The following MAGI1 variants were observed in gnomAD, a reference collection of about 807,000 sequenced individuals.
MAGI1 encodes the protein membrane-associated guanylate kinase, WW and PDZ domain-containing protein 1.
In MAGI1, 58 loss-of-function variants were observed where a neutral mutation model predicts 139.9. The observed-to-expected ratio is 0.41, with a 90% CI of 0.34 to 0.52. The LOEUF (loss-of-function observed/expected upper bound fraction) is 0.52, where lower values mean the gene tolerates loss of function less well. MAGI1 is among the 20% of genes least tolerant of loss of function. The pLI is 0.12. For missense variants in MAGI1, 1,874 were observed against 1,901.6 expected, an observed-to-expected ratio of 0.99 and a Z score of 0.27; for synonymous variants, 812 against 737.9, an observed-to-expected ratio of 1.10 and a Z score of -1.63.
At chr3:65,451,839 G>GTAGTGAGTCAA (rs1451591267) in intron 6 of MAGI1, among the ~76,000 whole-genome samples, 1 of 152,046 alleles carries the variant, frequency 6.6e-6, no homozygotes, top group African/African-American at 2.4e-5. Context: ...GTAGAGTCAA[G>GTAGTGAGTCAA]GTCTCACTAC....
intron 1 of MAGI1, among the ~76,000 whole-genome samples, chr3:66,001,458 GAA>G (rs1456067133): frequency 6.6e-6 from 1 of 152,134 alleles, no homozygotes; most frequent in Non-Finnish European, 1.5e-5. Flanking sequence ...ATGCTAGAAA[GAA>G]AAGAGTATCA....
intron 12 of MAGI1, among the ~76,000 whole-genome samples, chr3:65,405,077 C>T (rs1394002689): frequency 6.6e-6 from 1 of 152,168 alleles, no homozygotes; most frequent in African/African-American, 2.4e-5. Context: ...AGCATCCGCT[C>T]TTAGGGCCTT....
chr3:65,793,972 C>T (rs1178397613), intron 1 of MAGI1, among the ~76,000 whole-genome samples: 2 of 152,192 alleles, frequency 1.3e-5, no homozygotes, highest in African/African-American at 4.8e-5. Flanking sequence ...CACTGTAAAC[C>T]TGCTGTCTTT....
chr3:65,792,391 G>C (rs573099687), intron 1 of MAGI1, among the ~76,000 whole-genome samples: 2 of 152,226 alleles, frequency 1.3e-5, no homozygotes, highest in Non-Finnish European at 2.9e-5. Flanking sequence ...CTTGAACCAA[G>C]GAGGAGGAGG....
intron 1 of MAGI1, among the ~76,000 whole-genome samples, chr3:65,963,293 C>A (rs1283987302): frequency 4.3e-5 from 5 of 117,010 alleles, no homozygotes; most frequent in Admixed American, 3.5e-4. Flanking sequence ...GCCTGGTCAA[C>A]AGAGCGAGAC....
intron 1 of MAGI1, among the ~76,000 whole-genome samples, chr3:65,972,410 G>C (rs2065055462): frequency 1.3e-5 from 2 of 152,172 alleles, no homozygotes. Flanking sequence ...CTATGTCTAA[G>C]ACATATGCCT....
intron 1 of MAGI1, among the ~76,000 whole-genome samples, chr3:65,943,468 G>A (rs371287263): frequency 8.5e-5 from 13 of 152,106 alleles, no homozygotes; most frequent in East Asian, 3.9e-4. Context: ...CCGGCTAGTC[G>A]GGAGGCTGAG....
chr3:65,806,462 G>A (rs1447135301), intron 1 of MAGI1, among the ~76,000 whole-genome samples: 1 of 152,090 alleles, frequency 6.6e-6, no homozygotes, highest in Non-Finnish European at 1.5e-5. Context: ...TTTGAACTGT[G>A]TTTTAATAGG....
At chr3:65,635,084 A>AAT (rs145329425) in intron 1 of MAGI1, among the ~76,000 whole-genome samples, 17,624 of 151,398 alleles carry the variant, frequency 0.12, 1,976 homozygotes, top group African/African-American at 0.3. Context: ...AGTAAAATAA[A>AAT]ATATATATAT....
chr3:65,509,744 C>G lies in MAGI1; in HGVS notation c.431-16113G>C, dbSNP rs1398658109. Reference sequence around the variant, plus strand: ...GCTGGGGGAGGGGCGCCCGCCATTGCCCAGGCTTGCTTAGGTAAACAAAGC... The same window carrying G: ...GCTGGGGGAGGGGCGCCCGCCATTGGCCAGGCTTGCTTAGGTAAACAAAGC... On this transcript the variant is annotated intron_variant, in intron 2 of 22. Coordinates refer to ENST00000402939, the MANE Select transcript of MAGI1 (RefSeq NM_001033057.2). Among the ~76,000 whole-genome samples, 7 of 152,192 alleles carry G rather than the reference C, an allele frequency of 4.6e-5. No homozygotes were observed. The East Asian group carries it at 9.7e-4, about 21-fold the overall frequency.
chr3:66,033,541 G>T (rs2068755717), intron 1 of MAGI1, among the ~76,000 whole-genome samples: 1 of 152,136 alleles, frequency 6.6e-6, no homozygotes, highest in Non-Finnish European at 1.5e-5. Context: ...TGAAAGACAA[G>T]GCCCTGTGTT....
At chr3:65,532,071 C>A (rs1377101411) in intron 2 of MAGI1, among the ~76,000 whole-genome samples, 2 of 152,178 alleles carry the variant, frequency 1.3e-5, no homozygotes, top group African/African-American at 4.8e-5. Flanking sequence ...CCAATCATAT[C>A]TCTGTTCCCA....
At chr3:65,985,348 G>A (rs2065825911) in intron 1 of MAGI1, among the ~76,000 whole-genome samples, 1 of 152,184 alleles carries the variant, frequency 6.6e-6, no homozygotes, top group Admixed American at 6.5e-5. Context: ...TGATCATAGT[G>A]GCCAGTTTGG....
chr3:65,453,316 C>A lies in MAGI1; in HGVS notation c.984G>T (p.Trp328Cys). 1 of 1,611,308 alleles carries A rather than the reference C, an allele frequency of 6.2e-7. No homozygotes were observed. The highest frequency in any genetic ancestry group is 8.5e-7 in the Non-Finnish European group (1 of 1,179,420). Residue 328 changes from tryptophan to cysteine, a missense_variant, in exon 6 of 23, where the codon TGG (tryptophan) becomes TGT (cysteine). Physicochemically the swap from Trp to Cys is radical, Grantham distance 215 (BLOSUM62 -2). This residue lies in a region of MAGI1 where 648 missense variants were observed against 598.1 expected (regional missense o/e 1.08). Transcript: ENST00000402939. ...GCTTGTTTAGGCACCGAGGGTCTAACCAAGATGTTGTTTTCGTGTTATGGC... is the reference window on the plus strand; with the variant it reads ...GCTTGTTTAGGCACCGAGGGTCTAAACAAGATGTTGTTTTCGTGTTATGGC... ...FIDHNTKTTS[W>C]LDPRCLNKQQ...
intron 1 of MAGI1, among the ~76,000 whole-genome samples, chr3:65,683,427 C>G (rs546567140): frequency 2.1e-3 from 317 of 151,422 alleles, no homozygotes; most frequent in Non-Finnish European, 3.2e-3. Context: ...AGACATGTCT[C>G]TGAATTTTGC....
intron 1 of MAGI1, among the ~76,000 whole-genome samples, chr3:65,979,094 C>CCG (rs1553742283): frequency 3.8e-5 from 2 of 53,018 alleles, no homozygotes; most frequent in Non-Finnish European, 8.9e-5. Flanking sequence ...TTCTTCCCCC[C>CCG]CCCCGCCACC....
chr3:65,601,288 T>C (rs180699152), intron 2 of MAGI1, among the ~76,000 whole-genome samples: 1 of 152,132 alleles, frequency 6.6e-6, no homozygotes. Context: ...AATAGAAATG[T>C]CCTTTGGATA....
chr3:65,487,362 C>T (rs1951698422), intron 3 of MAGI1, among the ~76,000 whole-genome samples: 1 of 152,160 alleles, frequency 6.6e-6, no homozygotes, highest in South Asian at 2.1e-4. Context: ...TTTTGTTCAG[C>T]ATTTTATCTT....
chr3:65,419,425 G>A (rs995128670), intron 12 of MAGI1, among the ~76,000 whole-genome samples: 2 of 152,172 alleles, frequency 1.3e-5, no homozygotes, highest in Admixed American at 1.3e-4. Context: ...AACACTGGGT[G>A]TAGCCCAATA....
Sources: allele counts gnomAD v4.1 joint callset (sites outside exome capture counted in the v4.1 genomes callset), GRCh38; gene constraint gnomAD v4.1.1; regional missense constraint gnomAD v4.1.1; transcripts MANE v1.5; gene names NCBI Gene and HGNC (gene_info 2026-07-23, HGNC 2026-07-21).